The following SLC44A2 variants were observed in gnomAD, a reference collection of about 807,000 sequenced individuals.
SLC44A2 encodes the protein solute carrier family 44 member 2 (CTL2 blood group).
Under a neutral mutation model 90.8 loss-of-function variants are expected in SLC44A2, and 57 were observed. That is an observed-to-expected ratio of 0.63 (90% CI 0.51 to 0.78). The LOEUF (loss-of-function observed/expected upper bound fraction) is 0.78, where lower values mean the gene tolerates loss of function less well. Ranked by LOEUF, SLC44A2 falls within the 30% of genes least tolerant of loss-of-function variation. SLC44A2 has a pLI of 0.00. For synonymous variants in SLC44A2, 355 were observed against 360.7 expected (o/e 0.98, Z 0.18); for missense variants, 794 against 919.7 (o/e 0.86, Z 1.77).
Position 10,631,059 on chromosome 19 carries a change from A to C in SLC44A2, c.248A>C (p.Asn83Thr). 6.2e-7 allele frequency: 1 copy of C among 1,613,328 alleles called. No homozygotes were observed. The highest frequency in any genetic ancestry group is 1.1e-5 in the South Asian group (1 of 91,042). The change falls in exon 5 of 22, where the codon AAC becomes ACC. Residue 83 changes from asparagine (N) to threonine (T), a missense_variant and splice_region_variant. Transcript: ENST00000335757. ...FCGQKGTKNE[N>T]KPYLFYFNIV... The stretch of plus-strand genomic sequence containing the variant: ...CATTCTCCCTTCTCTAACTCCAGGA[A>C]CAAACCCTATCTGTTTTATTTCAAC...
At position 10,618,872 on chromosome 19, in the gene SLC44A2, C is replaced by A. The variant is rs554263758; in HGVS notation, c.32-7381C>A. 4.0e-5 allele frequency among the ~76,000 whole-genome samples: 6 copies of A among 151,888 alleles called. No individual in the cohort carries two copies. The South Asian group carries it at 1.2e-3, about 32-fold the overall frequency. On this transcript the variant is annotated intron_variant, in intron 1 of 21. Transcript: ENST00000407327. ...TACAGGCATGAGCCACCATGCCTGGCCTTTTCTTCCTAATATACATTCAGG... is the reference window on the plus strand; with the variant it reads ...TACAGGCATGAGCCACCATGCCTGGACTTTTCTTCCTAATATACATTCAGG...
chr19:10,621,423 T>TG (rs890627970), upstream of SLC44A2, among the ~76,000 whole-genome samples: 1 of 14,398 alleles, frequency 6.9e-5, no homozygotes, highest in African/African-American at 3.4e-4. Context: ...TGGTTGGGTG[T>TG]TTTTTTTTTT....
At chr19:10,624,091 G>A (rs762152521), upstream of SLC44A2, among the ~76,000 whole-genome samples, 1 of 151,180 alleles carries the variant, frequency 6.6e-6, no homozygotes, top group African/African-American at 2.4e-5. Context: ...TCCGCCTCTC[G>A]GGTTGAAGTG....
chr19:10,606,815 A>G (rs921124309), intron 1 of SLC44A2, among the ~76,000 whole-genome samples: 9 of 151,324 alleles, frequency 5.9e-5, no homozygotes, highest in Non-Finnish European at 1.0e-4. Context: ...CCATCTCAAA[A>G]AATAATTATA....
chr19:10,636,445 G>T lies in SLC44A2; in HGVS notation c.1356G>T (p.Met452Ile). 3 of 1,614,012 alleles carry T rather than the reference G, an allele frequency of 1.9e-6. No homozygotes were observed. Among genetic ancestry groups the T allele is most frequent in the Non-Finnish European group, 2.5e-6 (3 of 1,180,030 alleles). The change falls in exon 15 of 22, where the codon ATG becomes ATT. Residue 452 changes from methionine to isoleucine, a missense_variant. Physicochemically the swap from Met to Ile is conservative, Grantham distance 10. Around this residue, in one of 3 missense-constraint regions of SLC44A2, gnomAD observed 738 missense variants for 841.1 expected, o/e 0.88. Coordinates refer to ENST00000335757, the MANE Select transcript of SLC44A2 (RefSeq NM_020428.4). Reference sequence around the variant, plus strand: ...GCCTGCAGATCTTCAATGCCTTCATGTTCTTCTGGTTGGCCAACTTCGTGC... The same window carrying T: ...GCCTGCAGATCTTCAATGCCTTCATTTTCTTCTGGTTGGCCAACTTCGTGC... Reference protein sequence around the residue: ...LLGLQIFNAFMFFWLANFVLA... With the variant: ...LLGLQIFNAFIFFWLANFVLA...
intron 1 of SLC44A2, among the ~76,000 whole-genome samples, chr19:10,610,425 G>A (rs1268000345): frequency 2.7e-5 from 4 of 146,290 alleles, no homozygotes; most frequent in Admixed American, 7.0e-5. Context: ...TCCGCCTCCC[G>A]GGTTCACGCC....
chr19:10,609,593 C>G (rs568078085), intron 1 of SLC44A2, among the ~76,000 whole-genome samples: 1 of 152,148 alleles, frequency 6.6e-6, no homozygotes, highest in Non-Finnish European at 1.5e-5. Context: ...AGCCACTGTG[C>G]CTGGCGAAGT....
At chr19:10,625,482 G>T, upstream of SLC44A2, 3 of 1,219,442 alleles carry the variant, frequency 2.5e-6, no homozygotes, top group Non-Finnish European at 3.1e-6. Flanking sequence ...GCCCAGCTCG[G>T]GCCGGTCTGA....
chr19:10,608,662 T>A (rs945839642), intron 1 of SLC44A2, among the ~76,000 whole-genome samples: 3 of 151,300 alleles, frequency 2.0e-5, no homozygotes, highest in African/African-American at 2.4e-5. Flanking sequence ...TTTATTTTTT[T>A]AATTTGAGAC....
chr19:10,637,806 C>A, intron 17 of SLC44A2, 50 bp from the exon 18 acceptor site: 3 of 1,612,942 alleles, frequency 1.9e-6, no homozygotes, highest in Non-Finnish European at 2.5e-6. Flanking sequence ...AGAGGACCAC[C>A]CCCCATGCCC....
chr19:10,618,360 G>A (rs2066871910), intron 1 of SLC44A2, among the ~76,000 whole-genome samples: 1 of 151,228 alleles, frequency 6.6e-6, no homozygotes, highest in African/African-American at 2.4e-5. Context: ...ATTTTTAGTA[G>A]AGATGGGGTT....
chr19:10,612,034 T>C (rs1259926108), intron 1 of SLC44A2, among the ~76,000 whole-genome samples: 4 of 152,104 alleles, frequency 2.6e-5, no homozygotes, highest in Non-Finnish European at 5.9e-5. Flanking sequence ...TTGTGACCTA[T>C]TAATTTCTGT....
intron 4 of SLC44A2, among the ~76,000 whole-genome samples, 199 bp from the exon 5 acceptor site, chr19:10,630,858 A>T (rs1464265369): frequency 2.0e-5 from 3 of 146,846 alleles, no homozygotes; most frequent in Non-Finnish European, 4.5e-5. Context: ...TACAAAAATT[A>T]GCCGGGCTTG....
At chr19:10,643,199 C>A in intron 21 of SLC44A2, 80 bp from the exon 22 acceptor site, 1 of 1,516,316 alleles carries the variant, frequency 6.6e-7, no homozygotes, top group Non-Finnish European at 8.8e-7. Context: ...TCTCTGTGAC[C>A]CTCATCCACC....
At chr19:10,630,602 A>C (rs1447409348) in intron 4 of SLC44A2, among the ~76,000 whole-genome samples, 1 of 143,270 alleles carries the variant, frequency 7.0e-6, no homozygotes, top group African/African-American at 2.6e-5. Flanking sequence ...CGGAGGTTGT[A>C]GTGAGCCCAC....
intron 10 of SLC44A2, among the ~76,000 whole-genome samples, chr19:10,633,973 A>ATTTTTTTTTTTTTTT (rs1406434263): frequency 4.6e-5 from 5 of 107,924 alleles, no homozygotes; most frequent in African/African-American, 1.5e-4. Context: ...CCCCATCTCT[A>ATTTTTTTTTTTTTTT]TTTTTTTTTT....
chr19:10,607,638 G>C (rs370565667), intron 1 of SLC44A2, among the ~76,000 whole-genome samples: 93 of 151,538 alleles, frequency 6.1e-4, no homozygotes, highest in African/African-American at 2.1e-3. Context: ...TTATAGGCGT[G>C]GGCCACCACA....
chr19:10,642,991 G>A, intron 21 of SLC44A2: 2 of 1,577,784 alleles, frequency 1.3e-6, no homozygotes, highest in Non-Finnish European at 8.5e-7. Flanking sequence ...GTGCGGAGGA[G>A]GGGAAGCGGG....
At chr19:10,607,414 G>A (rs945558552) in intron 1 of SLC44A2, among the ~76,000 whole-genome samples, 2 of 151,820 alleles carry the variant, frequency 1.3e-5, no homozygotes, top group Admixed American at 6.6e-5. Context: ...GCAGTGGTGC[G>A]ATCATAGCTC....
Sources: gnomAD v4.1 joint callset for allele counts (sites outside exome capture counted in the v4.1 genomes callset) on GRCh38, gnomAD v4.1.1 for gene constraint, gnomAD v4.1.1 regional missense constraint, MANE v1.5 for transcripts, NCBI Gene and HGNC (gene_info 2026-07-23, HGNC 2026-07-21) for gene names.